HACD2: variants seen among roughly 807,000 people sequenced by gnomAD.
HACD2 encodes very-long-chain (3R)-3-hydroxyacyl-CoA dehydratase 2.
Under a neutral mutation model 31.0 loss-of-function variants are expected in HACD2, and 15 were observed. That is an observed-to-expected ratio of 0.48 (90% CI 0.32 to 0.75). The LOEUF (loss-of-function observed/expected upper bound fraction) is 0.75, where lower values mean the gene tolerates loss of function less well. HACD2 is among the 30% of genes least tolerant of loss of function. The probability of loss-of-function intolerance (pLI) is 0.03; values close to 1 mark genes in which losing one functional copy is unlikely to be tolerated. For synonymous variants in HACD2, 115 were observed against 122.2 expected, an observed-to-expected ratio of 0.94 and a Z score of 0.39; for missense variants, 283 against 313.0, an observed-to-expected ratio of 0.90 and a Z score of 0.72.
intron 4 of HACD2, among the ~76,000 whole-genome samples, chr3:123,510,618 T>C (rs558232600): frequency 6.6e-6 from 1 of 152,338 alleles, no homozygotes; most frequent in Admixed American, 6.5e-5. Flanking sequence ...TTCCTTTTTG[T>C]GTCTGAAAAA....
chr3:123,531,795 A>G (rs923723258), intron 3 of HACD2, among the ~76,000 whole-genome samples: 4 of 152,226 alleles, frequency 2.6e-5, no homozygotes, highest in Non-Finnish European at 5.9e-5. Flanking sequence ...AAAAGATTTT[A>G]GCTTAAATCA....
chr3:123,530,673 C>T (rs2056348756), intron 3 of HACD2, among the ~76,000 whole-genome samples: 1 of 152,206 alleles, frequency 6.6e-6, no homozygotes, highest in Admixed American at 6.5e-5. Flanking sequence ...TCCCAAAGTG[C>T]TGGGATTACA....
intron 3 of HACD2, among the ~76,000 whole-genome samples, chr3:123,551,089 T>G (rs2056614783): frequency 6.6e-6 from 1 of 152,184 alleles, no homozygotes; most frequent in African/African-American, 2.4e-5. Flanking sequence ...GTTCGTACTC[T>G]GTGAGGACAG....
intron 2 of HACD2, among the ~76,000 whole-genome samples, chr3:123,569,788 GAC>G (rs1456619945): frequency 6.6e-6 from 1 of 151,922 alleles, no homozygotes; most frequent in Non-Finnish European, 1.5e-5. Flanking sequence ...AGGAGTTTGA[GAC>G]CAGCTTGGCC....
At chr3:123,579,299 G>GT (rs202145009) in intron 2 of HACD2, among the ~76,000 whole-genome samples, 6,438 of 144,716 alleles carry the variant, frequency 0.044, 153 homozygotes, top group Middle Eastern at 0.11. Flanking sequence ...ACATTACCAA[G>GT]TTTTTTTTTT....
intron 4 of HACD2, among the ~76,000 whole-genome samples, chr3:123,520,401 ACTGT>A (rs1466079771): frequency 5.3e-5 from 8 of 152,248 alleles, no homozygotes; most frequent in African/African-American, 1.4e-4. Context: ...CCAGAGCTAC[ACTGT>A]CTAATAGTGC....
intron 2 of HACD2, among the ~76,000 whole-genome samples, chr3:123,574,524 A>G (rs963506032): frequency 4.6e-5 from 7 of 152,328 alleles, no homozygotes; most frequent in African/African-American, 1.7e-4. Flanking sequence ...AAAAAAATTA[A>G]CAGGATTTGT....
rs2055890156 is a variant in HACD2 at position 123,500,554 on chromosome 3, A to T, written c.643T>A (p.Tyr215Asn). 6.2e-7 allele frequency: 1 copy of T among 1,610,028 alleles called. No individual in the cohort carries two copies. Among genetic ancestry groups the T allele is most frequent in the Non-Finnish European group, 8.5e-7 (1 of 1,176,420 alleles). Residue 215 changes from tyrosine to asparagine, a missense_variant, in exon 6 of 7, where the codon TAT becomes AAT. Around this residue, in one of 3 missense-constraint regions of HACD2, gnomAD observed 85 missense variants for 129.6 expected, o/e 0.66. Coordinates refer to ENST00000383657, the MANE Select transcript of HACD2 (RefSeq NM_198402.5). Reference sequence around the variant, plus strand: ...ATCATTATTAGAATCAGGAATGCATAGTAGTCAAAAGAGAAATTGTATTTG... The same window carrying T: ...ATCATTATTAGAATCAGGAATGCATTGTAGTCAAAAGAGAAATTGTATTTG... ...PNKYNFSFDY[Y>N]AFLILIMISY...
At chr3:123,575,839 G>A (rs1425953344) in intron 2 of HACD2, among the ~76,000 whole-genome samples, 1 of 152,116 alleles carries the variant, frequency 6.6e-6, no homozygotes, top group East Asian at 1.9e-4. Context: ...AAGTACTCAG[G>A]AAGGGAAGAA....
rs2057012408 is a variant in HACD2, at chr3:123,584,933, T to C, written c.95A>G (p.Lys32Arg). The C allele has an allele frequency of 6.5e-7, 1 of 1,529,046 alleles. No homozygotes were observed. Among genetic ancestry groups the C allele is most frequent in the Non-Finnish European group, 8.8e-7 (1 of 1,137,880 alleles). 94.7% of individuals were successfully genotyped at this position (1,529,046 alleles called of 1,614,324 possible). A position where few individuals can be genotyped will look rare whatever the true frequency, so the allele number is the denominator to read the frequency against. Residue 32 changes from lysine to arginine, a missense_variant, in exon 1 of 7, where the codon AAG becomes AGG. Coordinates refer to ENST00000383657, the MANE Select transcript of HACD2 (RefSeq NM_198402.5). Reference sequence around the variant, plus strand: ...CGCCGTGGCCAGGGGCCCCGGGCCCTTCTTCTTCCGCGTGCCGCTGGCGTC... The same window carrying C: ...CGCCGTGGCCAGGGGCCCCGGGCCCCTCTTCTTCCGCGTGCCGCTGGCGTC... The part of the protein sequence containing the change: ...AGDASGTRKK[K>R]GPGPLATAYL...
At chr3:123,548,989 G>A (rs1024372049) in intron 3 of HACD2, among the ~76,000 whole-genome samples, 1 of 149,304 alleles carries the variant, frequency 6.7e-6, no homozygotes, top group Admixed American at 6.8e-5. Context: ...TAATGATCTC[G>A]TATGTTTGTT....
intron 4 of HACD2, among the ~76,000 whole-genome samples, chr3:123,522,211 C>T: frequency 6.6e-6 from 1 of 151,518 alleles, no homozygotes; most frequent in Non-Finnish European, 1.5e-5. Flanking sequence ...CCCAGCTACT[C>T]AGGAGGCCAA....
intron 4 of HACD2, among the ~76,000 whole-genome samples, chr3:123,516,449 T>C (rs572813254): frequency 6.6e-6 from 1 of 151,730 alleles, no homozygotes; most frequent in South Asian, 2.1e-4. Context: ...TTAGCCAGGA[T>C]GGTCTCGATC....
chr3:123,543,509 C>A lies in HACD2; in HGVS notation c.293-15035G>T, dbSNP rs531673125. ...GGAAGGGCACTGGATGGCTGGGGGA[C>A]TGGGGTGGGAAAGAGACTCACTTTC... On this transcript the variant is annotated intron_variant, in intron 3 of 6. Coordinates refer to ENST00000383657, the MANE Select transcript of HACD2 (RefSeq NM_198402.5). Among the ~76,000 whole-genome samples the A allele has an allele frequency of 4.0e-3, 603 of 152,194 alleles. 4 individuals carry two copies. Among genetic ancestry groups the A allele is most frequent in the African/African-American group, 0.013 (558 of 41,526 alleles).
chr3:123,576,782 A>G (rs1217701044), intron 2 of HACD2, among the ~76,000 whole-genome samples: 1 of 152,240 alleles, frequency 6.6e-6, no homozygotes, highest in Non-Finnish European at 1.5e-5. Flanking sequence ...TGTTTGAGCC[A>G]TAAAGAAAGA....
chr3:123,561,565 G>C (rs1464528410), intron 3 of HACD2, among the ~76,000 whole-genome samples: 1 of 152,220 alleles, frequency 6.6e-6, no homozygotes, highest in African/African-American at 2.4e-5. Context: ...ATCTTACCAA[G>C]AGTATCTTCA....
chr3:123,561,905 G>A (rs61281424), intron 3 of HACD2, among the ~76,000 whole-genome samples: 8,614 of 152,092 alleles, frequency 0.057, 808 homozygotes, highest in African/African-American at 0.2. Flanking sequence ...TCCGCCTCCT[G>A]GGTTCAAGTG....
chr3:123,554,666 T>C (rs1043309109), intron 3 of HACD2, among the ~76,000 whole-genome samples: 1 of 152,182 alleles, frequency 6.6e-6, no homozygotes, highest in South Asian at 2.1e-4. Flanking sequence ...TCACCTATTA[T>C]ATGAAAGATT....
chr3:123,551,532 GGGAATCCCTT>G, intron 3 of HACD2, among the ~76,000 whole-genome samples: 2 of 152,046 alleles, frequency 1.3e-5, no homozygotes, highest in Admixed American at 1.3e-4. Context: ...GGCTGAGGCA[GGGAATCCCTT>G]AAACCCGGGA....
Sources: allele counts gnomAD v4.1 joint callset (sites outside exome capture counted in the v4.1 genomes callset), GRCh38; gene constraint gnomAD v4.1.1; regional missense constraint gnomAD v4.1.1; transcripts MANE v1.5; gene names NCBI Gene and HGNC (gene_info 2026-07-23, HGNC 2026-07-21).